The following PTCHD4 variants were observed in gnomAD, a reference collection of about 807,000 sequenced individuals.
PTCHD4 encodes the protein patched domain-containing protein 4.
Under a neutral mutation model 58.1 loss-of-function variants are expected in PTCHD4, and 33 were observed. The ratio of observed to expected loss-of-function variants is 0.57; its 90% CI spans 0.43 to 0.76. The LOEUF is 0.76. Among genes scored for constraint, PTCHD4 ranks in the 30% least tolerant of loss-of-function variants. The pLI, the probability that PTCHD4 is intolerant of heterozygous loss-of-function variation, is 0.00. For missense variants in PTCHD4, 1,058 were observed against 1,027.1 expected (o/e 1.03, Z -0.41); for synonymous variants, 478 against 409.6 (o/e 1.17, Z -2.02).
intron 3 of PTCHD4, among the ~76,000 whole-genome samples, chr6:48,044,730 T>A (rs537624972): frequency 6.6e-6 from 1 of 152,004 alleles, no homozygotes; most frequent in Non-Finnish European, 1.5e-5. Flanking sequence ...CCCACTTTTT[T>A]ATCATGCTAA....
In PTCHD4 at chr6:48,015,509, G is replaced by T. The variant is rs147658645; in HGVS notation, c.418-6395C>A. ...TTAACCTTTCTTCCTATTCCTTGAAGAAACCAAGTTAATTTCCACCTTATG... is the reference window on the plus strand; with the variant it reads ...TTAACCTTTCTTCCTATTCCTTGAATAAACCAAGTTAATTTCCACCTTATG... On this transcript the variant is annotated intron_variant, in intron 3 of 4. Transcript: ENST00000339488. Among the ~76,000 whole-genome samples, 588 of 151,826 alleles carry T rather than the reference G, an allele frequency of 3.9e-3. 7 individuals carry two copies. Among genetic ancestry groups the T allele is most frequent in the Middle Eastern group, 6.8e-3 (2 of 294 alleles).
intron 4 of PTCHD4, among the ~76,000 whole-genome samples, chr6:47,985,151 T>C (rs113785091): frequency 6.6e-6 from 1 of 152,168 alleles, no homozygotes; most frequent in Non-Finnish European, 1.5e-5. Flanking sequence ...AACTTCTTAC[T>C]GACTCCTGCT....
At chr6:48,049,329 TAC>T (rs929685147) in intron 3 of PTCHD4, among the ~76,000 whole-genome samples, 4 of 40,662 alleles carry the variant, frequency 9.8e-5, no homozygotes, top group African/African-American at 1.6e-4. Context: ...CTAGAGAACT[TAC>T]ACATGTTTCG....
rs970134023 is a variant in PTCHD4 at position 47,861,788 on chromosome 6, G to A, written c.*16515C>T. Among the ~76,000 whole-genome samples the A allele has an allele frequency of 2.0e-5, 3 of 151,834 alleles. No homozygotes were observed. The highest frequency in any genetic ancestry group is 2.1e-4 in the South Asian group (1 of 4,826). On this transcript the variant is annotated 3_prime_UTR_variant, in exon 5 of 5. Transcript: ENST00000339488. ...TTTTTATGAGACATTAAAGTATTCC[G>A]CTGAGCAATTTGAACTGCTTTGTCC...
chr6:47,995,771 T>A (rs963806156), intron 4 of PTCHD4, among the ~76,000 whole-genome samples: 7 of 152,142 alleles, frequency 4.6e-5, no homozygotes, highest in African/African-American at 1.7e-4. Flanking sequence ...AGTTAAGGTG[T>A]TAAGTAAAAA....
At chr6:48,045,722 A>C (rs1028215070) in intron 3 of PTCHD4, among the ~76,000 whole-genome samples, 1 of 151,880 alleles carries the variant, frequency 6.6e-6, no homozygotes, top group Non-Finnish European at 1.5e-5. Flanking sequence ...ACAGCTATAA[A>C]GTAACAAGGC....
chr6:47,860,228 A>G lies in PTCHD4; in HGVS notation c.*18075T>C, dbSNP rs1408314694. 6.6e-6 allele frequency among the ~76,000 whole-genome samples: 1 copy of G among 152,018 alleles called. No individual in the cohort carries two copies. Among genetic ancestry groups the G allele is most frequent in the Non-Finnish European group, 1.5e-5 (1 of 67,976 alleles). ...CTGTCAGCATCTTTAAAGAGATTGCAAGCAATTTAAAGGTAGAAAACACAT... is the reference window on the plus strand; with the variant it reads ...CTGTCAGCATCTTTAAAGAGATTGCGAGCAATTTAAAGGTAGAAAACACAT... On this transcript the variant is annotated 3_prime_UTR_variant, in exon 5 of 5. Coordinates refer to ENST00000339488, the MANE Select transcript of PTCHD4 (RefSeq NM_001384253.1).
chr6:47,982,481 C>CTT (rs375869071), intron 4 of PTCHD4, among the ~76,000 whole-genome samples: 3,611 of 130,672 alleles, frequency 0.028, 64 homozygotes, highest in African/African-American at 0.042. Flanking sequence ...TTATCTCTCT[C>CTT]TTTTTTTTTT....
chr6:48,020,730 G>A (rs530485771), intron 3 of PTCHD4, among the ~76,000 whole-genome samples: 6 of 152,062 alleles, frequency 3.9e-5, no homozygotes, highest in Admixed American at 2.0e-4. Context: ...TACAGAAGAC[G>A]TTACTGAAGA....
Position 48,110,447 on chromosome 6 carries a change from G to C in PTCHD4, c.-970+602C>G, listed in dbSNP as rs114680562. Among the ~76,000 whole-genome samples, 1,169 of 152,030 alleles carry C rather than the reference G, an allele frequency of 7.7e-3. 7 individuals carry two copies. The highest frequency in any genetic ancestry group is 0.013 in the Non-Finnish European group (896 of 67,962). ...TAGAATACATAAAAGAAACAGAGTA[G>C]AACAGTGGTTACAAAGGGTGAGGTG... On this transcript the variant is annotated intron_variant, in intron 1 of 4. Coordinates refer to ENST00000339488, the MANE Select transcript of PTCHD4 (RefSeq NM_001384253.1).
chr6:48,072,603 G>A (rs1764995504), intron 1 of PTCHD4, among the ~76,000 whole-genome samples: 1 of 152,130 alleles, frequency 6.6e-6, no homozygotes. Context: ...AGATATGCTG[G>A]TTGTTACTGA....
At position 48,078,770 on chromosome 6, in the gene PTCHD4, A is replaced by G. The variant is rs113712175; in HGVS notation, c.-969-8844T>C. Among the ~76,000 whole-genome samples the G allele has an allele frequency of 2.6e-5, 4 of 152,190 alleles. No individual in the cohort carries two copies. In the East Asian group the frequency reaches 5.8e-4, roughly 22 times the overall value. ...CTTCTTCAAAGTACTCTAAAAATGT[A>G]TCTCTTTCTTCTGGAAGAACCAGAA... On this transcript the variant is annotated intron_variant, in intron 1 of 4. Coordinates refer to ENST00000339488, the MANE Select transcript of PTCHD4 (RefSeq NM_001384253.1).
intron 3 of PTCHD4, among the ~76,000 whole-genome samples, chr6:48,056,475 A>G (rs1172061585): frequency 1.3e-5 from 2 of 152,162 alleles, no homozygotes; most frequent in East Asian, 3.8e-4. Context: ...AATTTTTCTG[A>G]TGTATATATA....
At chr6:47,957,397 A>G (rs1766904123) in intron 4 of PTCHD4, among the ~76,000 whole-genome samples, 1 of 150,398 alleles carries the variant, frequency 6.6e-6, no homozygotes, top group East Asian at 1.9e-4. Flanking sequence ...AAGACCATTC[A>G]GAAATACTAT....
intron 3 of PTCHD4, among the ~76,000 whole-genome samples, chr6:48,023,044 G>T (rs2114114843): frequency 6.6e-6 from 1 of 152,256 alleles, no homozygotes; most frequent in South Asian, 2.1e-4. Context: ...TATGTTGTAA[G>T]CAAGGAAATA....
At chr6:48,099,621 G>A (rs915149500) in intron 1 of PTCHD4, among the ~76,000 whole-genome samples, 3 of 152,150 alleles carry the variant, frequency 2.0e-5, no homozygotes, top group African/African-American at 4.8e-5. Flanking sequence ...CAATGTACTT[G>A]TGGATTTGTA....
chr6:48,100,328 C>G (rs1036244416), intron 1 of PTCHD4, among the ~76,000 whole-genome samples: 4 of 152,108 alleles, frequency 2.6e-5, no homozygotes, highest in Admixed American at 2.6e-4. Context: ...GTAGAGTAAA[C>G]AAGATTGACC....
In PTCHD4 at chr6:48,068,590, C is replaced by A. The variant is rs1294300858; in HGVS notation, c.57G>T (p.Val19=). The A allele has an allele frequency of 6.4e-6, 10 of 1,562,342 alleles. No homozygotes were observed. The highest frequency in any genetic ancestry group is 8.6e-6 in the Non-Finnish European group (10 of 1,159,110). The change falls in exon 3 of 5, where the codon GTG becomes GTT. Residue 19 remains valine, a synonymous_variant. Transcript: ENST00000339488. The surrounding 1 kb of genome is among the most constrained non-coding windows in gnomAD (Gnocchi z 4.2). ...SWIWWRMLRQ[V]LRRGLQSFCH... Reference sequence around the variant, plus strand: ...AGAACGACTGGAGCCCTCTGCGAAGCACCTGCCGCAGCATCCTCCACCAGA... The same window carrying A: ...AGAACGACTGGAGCCCTCTGCGAAGAACCTGCCGCAGCATCCTCCACCAGA...
chr6:47,979,682 C>G (rs1055187912), intron 4 of PTCHD4, among the ~76,000 whole-genome samples: 5 of 151,912 alleles, frequency 3.3e-5, no homozygotes, highest in Admixed American at 2.6e-4. Flanking sequence ...CAATTAGTAC[C>G]TAATATCCAA....
Sources: allele counts gnomAD v4.1 joint callset (sites outside exome capture counted in the v4.1 genomes callset), GRCh38; gene constraint gnomAD v4.1.1; non-coding constraint Gnocchi (gnomAD v3.1); transcripts MANE v1.5; gene names NCBI Gene and HGNC (gene_info 2026-07-23, HGNC 2026-07-21).